LRRFIP2: variants seen among roughly 807,000 people sequenced by gnomAD.
LRRFIP2 encodes the protein LRR binding FLII interacting protein 2.
In LRRFIP2, 109 loss-of-function variants were observed where a neutral mutation model predicts 125.9. The observed-to-expected ratio is 0.87, with a 90% CI of 0.74 to 1.01. The LOEUF is 1.01. LRRFIP2 is among the 50% of genes least tolerant of loss of function. LRRFIP2 has a pLI of 0.00. For synonymous variants in LRRFIP2, 291 were observed against 293.1 expected, an observed-to-expected ratio of 0.99 and a Z score of 0.07; for missense variants, 850 against 862.3, an observed-to-expected ratio of 0.99 and a Z score of 0.18.
chr3:37,094,421 G>C (rs530412107), intron 17 of LRRFIP2, among the ~76,000 whole-genome samples: 1 of 152,062 alleles, frequency 6.6e-6, no homozygotes, highest in Admixed American at 6.6e-5. Context: ...ATACCATCAA[G>C]GCTCAAAAGA....
At chr3:37,109,407 T>C (rs190056850) in intron 11 of LRRFIP2, 120 bp downstream of exon 11, 31 of 1,059,012 alleles carry the variant, frequency 2.9e-5, no homozygotes, top group Non-Finnish European at 4.3e-5. Flanking sequence ...TTCTGCAGTA[T>C]ACATGACACT....
intron 21 of LRRFIP2, among the ~76,000 whole-genome samples, chr3:37,070,596 C>T (rs1178197926): frequency 2.0e-5 from 3 of 151,632 alleles, no homozygotes; most frequent in East Asian, 2.0e-4. Flanking sequence ...ATTAGCCGGA[C>T]GTGGTGGTGC....
At chr3:37,086,724 T>C (rs1441384500) in intron 18 of LRRFIP2, among the ~76,000 whole-genome samples, 1 of 152,206 alleles carries the variant, frequency 6.6e-6, no homozygotes, top group Non-Finnish European at 1.5e-5. Flanking sequence ...ATGAAAATGT[T>C]CTAAAGATGG....
At chr3:37,167,265 T>C (rs1445723744) in intron 1 of LRRFIP2, among the ~76,000 whole-genome samples, 1 of 150,254 alleles carries the variant, frequency 6.7e-6, no homozygotes, top group Non-Finnish European at 1.5e-5. Flanking sequence ...ATGTCACCCA[T>C]CACCAGGGAA....
At chr3:37,130,883 C>T (rs551137027) in intron 2 of LRRFIP2, among the ~76,000 whole-genome samples, 87 of 152,318 alleles carry the variant, frequency 5.7e-4, no homozygotes, top group African/African-American at 2.0e-3. Context: ...AAGAATCATG[C>T]ACTGAGGTTG....
chr3:37,119,186 T>A (rs11707406), intron 6 of LRRFIP2, among the ~76,000 whole-genome samples: 1 of 151,948 alleles, frequency 6.6e-6, no homozygotes, highest in Non-Finnish European at 1.5e-5. Flanking sequence ...ATTTTTACAT[T>A]TATACATTGA....
At chr3:37,058,111 T>G (rs2087448796) in intron 25 of LRRFIP2, among the ~76,000 whole-genome samples, 1 of 152,086 alleles carries the variant, frequency 6.6e-6, no homozygotes, top group African/African-American at 2.4e-5. Context: ...AGAAAAAACT[T>G]TAATGGGGAA....
chr3:37,133,943 TAAAAATTCAG>T (rs977747519), intron 2 of LRRFIP2, among the ~76,000 whole-genome samples: 42 of 152,240 alleles, frequency 2.8e-4, no homozygotes, highest in South Asian at 1.0e-3. Context: ...AAAGTTAATA[TAAAAATTCAG>T]AAAAATTCAG....
intron 1 of LRRFIP2, among the ~76,000 whole-genome samples, chr3:37,156,673 CAAAAAAAAAAAAAAAAA>C (rs59647339): frequency 1.5e-3 from 45 of 30,588 alleles, no homozygotes; most frequent in African/African-American, 6.3e-3. Flanking sequence ...GACTCAGTAT[CAAAAAAAAAAAAAAAAA>C]AAAAAAAAAA....
chr3:37,099,958 T>A (rs539396599), intron 15 of LRRFIP2, among the ~76,000 whole-genome samples: 1 of 152,130 alleles, frequency 6.6e-6, no homozygotes, highest in South Asian at 2.1e-4. Context: ...TAATATTTCA[T>A]GTTGAAATAT....
At chr3:37,098,380 T>G (rs949096804) in intron 15 of LRRFIP2, among the ~76,000 whole-genome samples, 1 of 149,576 alleles carries the variant, frequency 6.7e-6, no homozygotes, top group Admixed American at 6.7e-5. Flanking sequence ...TTAACTTTAA[T>G]TTTTTTTCTT....
At chr3:37,147,222 G>A (rs1228018754) in intron 2 of LRRFIP2, among the ~76,000 whole-genome samples, 2 of 152,188 alleles carry the variant, frequency 1.3e-5, no homozygotes, top group Non-Finnish European at 2.9e-5. Context: ...TGCTGACGAG[G>A]CTGTGGAGAA....
chr3:37,075,774 C>T (rs1005837119), intron 19 of LRRFIP2, among the ~76,000 whole-genome samples: 3 of 151,812 alleles, frequency 2.0e-5, no homozygotes, highest in Non-Finnish European at 4.4e-5. Context: ...AGAAGAAAGC[C>T]GGCCTTATTA....
At chr3:37,116,863 A>G (rs2094812958) in intron 6 of LRRFIP2, among the ~76,000 whole-genome samples, 1 of 152,180 alleles carries the variant, frequency 6.6e-6, no homozygotes, top group South Asian at 2.1e-4. Context: ...TGTTATTGTA[A>G]TAAATACCAA....
At chr3:37,117,530 A>G (rs2094845461) in intron 6 of LRRFIP2, among the ~76,000 whole-genome samples, 1 of 152,172 alleles carries the variant, frequency 6.6e-6, no homozygotes, top group African/African-American at 2.4e-5. Flanking sequence ...AAAAGTGAAA[A>G]TAGTAAGGGC....
chr3:37,138,468 A>C (rs1192098583), intron 2 of LRRFIP2, among the ~76,000 whole-genome samples: 1 of 152,200 alleles, frequency 6.6e-6, no homozygotes, highest in African/African-American at 2.4e-5. Context: ...GAGGAGGAAA[A>C]GGGTATGTAT....
At chr3:37,137,856 T>C (rs1455751643) in intron 2 of LRRFIP2, among the ~76,000 whole-genome samples, 1 of 152,212 alleles carries the variant, frequency 6.6e-6, no homozygotes, top group South Asian at 2.1e-4. Context: ...CCAGTTTCCA[T>C]TAATGGAATC....
At chr3:37,058,287 T>G (rs1463011595) in intron 25 of LRRFIP2, among the ~76,000 whole-genome samples, 2 of 152,240 alleles carry the variant, frequency 1.3e-5, no homozygotes, top group Admixed American at 1.3e-4. Flanking sequence ...CACAGGCTAG[T>G]GGAGCCTCTA....
intron 4 of LRRFIP2, among the ~76,000 whole-genome samples, chr3:37,126,805 G>A (rs1013061452): frequency 2.6e-5 from 4 of 151,566 alleles, no homozygotes; most frequent in Admixed American, 2.0e-4. Context: ...GTTGCAGTGA[G>A]CTGAGATTGT....
Sources: gnomAD v4.1 joint callset for allele counts (sites outside exome capture counted in the v4.1 genomes callset) on GRCh38, gnomAD v4.1.1 for gene constraint, MANE v1.5 for transcripts, NCBI Gene and HGNC (gene_info 2026-07-23, HGNC 2026-07-21) for gene names.